PIK3R2: variants seen among roughly 807,000 people sequenced by gnomAD.
PIK3R2 encodes the protein phosphatidylinositol 3-kinase regulatory subunit beta.
PIK3R2 carries 40 observed loss-of-function variants against 78.5 expected under a neutral mutation model. The observed-to-expected ratio is 0.51, with a 90% CI of 0.40 to 0.66. PIK3R2 has a LOEUF of 0.66. Among genes scored for constraint, PIK3R2 ranks in the 30% least tolerant of loss-of-function variants. The pLI is 0.00. For synonymous variants in PIK3R2, 473 were observed against 457.7 expected (o/e 1.03, Z -0.43); for missense variants, 880 against 1,026.6 (o/e 0.86, Z 1.95).
chr19:18,165,070 A>C (rs2043794207), intron 11 of PIK3R2, among the ~76,000 whole-genome samples: 1 of 151,306 alleles, frequency 6.6e-6, no homozygotes, highest in African/African-American at 2.4e-5. Flanking sequence ...TCTACCAAAA[A>C]GATAAAAAAA....
At position 18,161,443 on chromosome 19, in the gene PIK3R2, C is replaced by T; in HGVS notation, c.763C>T (p.Leu255=). 6 of 1,205,474 alleles carry T rather than the reference C, an allele frequency of 5.0e-6. No homozygotes were observed. Among genetic ancestry groups the T allele is most frequent in the Non-Finnish European group, 6.2e-6 (6 of 973,174 alleles). 74.7% of individuals were successfully genotyped at this position (1,205,474 alleles called of 1,614,324 possible). The change falls in exon 6 of 16, where the codon CTG becomes TTG. Residue 255 remains leucine (L), a synonymous_variant. Transcript: ENST00000222254. This position sits in a 1 kb window ranked among gnomAD's most constrained non-coding sequence, Gnocchi z 5.3. Reference sequence around the variant, plus strand: ...GGGCGCCACCTTTGGGCCGCTGCTGCTGCGCGCGCCGCCGCCGCCGTCCTC... The same window carrying T: ...GGGCGCCACCTTTGGGCCGCTGCTGTTGCGCGCGCCGCCGCCGCCGTCCTC... The part of the protein sequence containing the change: ...ALGATFGPLL[L]RAPPPPSSPP...
Position 18,168,969 on chromosome 19 carries a change from G to A in PIK3R2, c.1979+73G>A. 6.4e-7 allele frequency: 1 copy of A among 1,564,962 alleles called. No homozygotes were observed. The highest frequency in any genetic ancestry group is 8.7e-7 in the Non-Finnish European group (1 of 1,147,880). ...TCATTGAATGCCTGCCGCGTGCCAG[G>A]CCTTGGGAAGGAGTCCCTGGTGGGG... is the stretch of plus-strand genomic sequence containing the variant. On this transcript the variant is annotated intron_variant, in intron 15 of 15. Transcript: ENST00000222254. This position sits in a 1 kb window ranked among gnomAD's most constrained non-coding sequence, Gnocchi z 4.1.
chr19:18,160,102 C>G (rs987905383), intron 2 of PIK3R2, among the ~76,000 whole-genome samples: 1 of 152,194 alleles, frequency 6.6e-6, no homozygotes, highest in Admixed American at 6.5e-5. Context: ...CCAGGCTGGT[C>G]TCATGTACAG....
rs780181859 is a variant in PIK3R2, at chr19:18,169,241, C to T, written c.2134C>T (p.Leu712=). The change falls in exon 16 of 16, where the codon CTG becomes TTG. Residue 712 remains leucine, a synonymous_variant. Transcript: ENST00000222254. ...VQHNDALTVT[L]AHPVRAPGPG... ...GCACAACGACGCGCTCACCGTCACC[C>T]TGGCGCACCCAGTGCGCGCCCCGGG... 76 of 1,587,354 alleles carry T rather than the reference C, an allele frequency of 4.8e-5. No individual in the cohort carries two copies. The highest frequency in any genetic ancestry group is 6.1e-5 in the Non-Finnish European group (72 of 1,173,924).
Position 18,161,292 on chromosome 19 carries a change from C to T in PIK3R2, c.612C>T (p.Pro204=). 6 of 1,385,696 alleles carry T rather than the reference C, an allele frequency of 4.3e-6. No homozygotes were observed. The highest frequency in any genetic ancestry group is 5.6e-6 in the Non-Finnish European group (6 of 1,077,756). The allele number at this position is 1,385,696 out of a possible 1,614,324, so 85.8% of individuals were successfully genotyped here. Residue 204 remains proline, a synonymous_variant, in exon 6 of 16, where the codon CCC becomes CCT. Transcript: ENST00000222254. The surrounding 1 kb of genome is among the most constrained non-coding windows in gnomAD (Gnocchi z 5.3). ...ATCTGTCCGCAGAGGCCGCGGGGCCCGTGGGGCCGGCGCTGGAGCCACCGA... is the reference window on the plus strand; with the variant it reads ...ATCTGTCCGCAGAGGCCGCGGGGCCTGTGGGGCCGGCGCTGGAGCCACCGA... ...ARRALREAAG[P]VGPALEPPTL... is the part of the protein sequence containing the mutation.
In PIK3R2 at chr19:18,168,786, C is replaced by CT; in HGVS notation, c.1869_1870insT (p.Val624CysfsTer187). 6.2e-7 allele frequency: 1 copy of CT among 1,613,836 alleles called. No individual in the cohort carries two copies. The highest frequency in any genetic ancestry group is 8.5e-7 in the Non-Finnish European group (1 of 1,179,892). On this transcript the variant is annotated frameshift_variant, in exon 15 of 16. Coordinates refer to ENST00000222254, the MANE Select transcript of PIK3R2 (RefSeq NM_005027.4). LOFTEE classifies it high-confidence loss of function. This position sits in a 1 kb window ranked among gnomAD's most constrained non-coding sequence, Gnocchi z 4.1. ...CGCACCACGAGGAACGCACTTGGTA[C>CT]GTGGGCAAGATCAACCGCACGCAGG...
chr19:18,155,415 G>A, intron 1 of PIK3R2, 42 bp from the exon 2 acceptor site: 1 of 388,196 alleles, frequency 2.6e-6, no homozygotes, highest in Non-Finnish European at 4.6e-6. Context: ...GGGGGTGAGA[G>A]GAGTTGGCCT....
At position 18,161,355 on chromosome 19, in the gene PIK3R2, G is replaced by T. The variant is rs1394494721; in HGVS notation, c.675G>T (p.Leu225=). The change falls in exon 6 of 16, where the codon CTG becomes CTT. Residue 225 remains leucine (L), a synonymous_variant. Coordinates refer to ENST00000222254, the MANE Select transcript of PIK3R2 (RefSeq NM_005027.4). The surrounding 1 kb of genome is among the most constrained non-coding windows in gnomAD (Gnocchi z 5.3). ...PLHRALTLRF[L]LQHLGRVASR... is the part of the protein sequence containing the mutation. ...ACCGCGCGCTCACGCTGCGCTTCCT[G>T]CTCCAGCACCTGGGCCGCGTGGCCA... is the stretch of plus-strand genomic sequence containing the variant. The T allele has an allele frequency of 7.7e-7, 1 of 1,306,930 alleles. No individual in the cohort carries two copies. The highest frequency in any genetic ancestry group is 2.2e-5 in the South Asian group (1 of 45,736). The allele number at this position is 1,306,930 out of a possible 1,614,324, so 81.0% of individuals were successfully genotyped here. A position where few individuals can be genotyped will look rare whatever the true frequency, so the allele number is the denominator to read the frequency against.
rs139519957 is a variant in PIK3R2 at position 18,158,146 on chromosome 19, G to A, written c.322+1945G>A. On this transcript the variant is annotated intron_variant, in intron 2 of 15. Transcript: ENST00000222254. ...AAGGAAGCTGTTCTGACCCAGGCCG[G>A]GATATTTTTCTTTTCTTTCCTTTCA... Among the ~76,000 whole-genome samples the A allele has an allele frequency of 6.0e-3, 909 of 152,322 alleles. 8 individuals are homozygous for A. The highest frequency in any genetic ancestry group is 0.021 in the African/African-American group (856 of 41,572).
chr19:18,160,819 G>T, intron 3 of PIK3R2, 100 bp from the exon 4 acceptor site: 1 of 1,414,522 alleles, frequency 7.1e-7, no homozygotes, highest in Non-Finnish European at 9.8e-7. Context: ...TTATCTCTGG[G>T]CAGCAAAGGG....
Position 18,168,454 on chromosome 19 carries a change from A to T in PIK3R2, c.1737-21A>T. 1 of 778,184 alleles carries T rather than the reference A, an allele frequency of 1.3e-6. No homozygotes were observed. The highest frequency in any genetic ancestry group is 2.4e-6 in the Non-Finnish European group (1 of 417,010). The allele number at this position is 778,184 out of a possible 1,614,324, so 48.2% of individuals were successfully genotyped here. A position where few individuals can be genotyped will look rare whatever the true frequency, so the allele number is the denominator to read the frequency against. On this transcript the variant is annotated intron_variant, in intron 13 of 15. Coordinates refer to ENST00000222254, the MANE Select transcript of PIK3R2 (RefSeq NM_005027.4). This position sits in a 1 kb window ranked among gnomAD's most constrained non-coding sequence, Gnocchi z 4.1. ...AGCACCCACACAACTGCACAAGCCC[A>T]CCTTTCCTGTTCCTTCTCAGGTGGC... is the stretch of plus-strand genomic sequence containing the variant.
In PIK3R2 at chr19:18,170,101, G is replaced by C. The variant is rs1024034663; in HGVS notation, c.*807G>C. ...CGGCCGCCTGTAATCCCAGCTACTTGGGAGGCTGAGGCGTGAGAATCTCTT... is the reference window on the plus strand; with the variant it reads ...CGGCCGCCTGTAATCCCAGCTACTTCGGAGGCTGAGGCGTGAGAATCTCTT... On this transcript the variant is annotated 3_prime_UTR_variant, in exon 16 of 16. Coordinates refer to ENST00000222254, the MANE Select transcript of PIK3R2 (RefSeq NM_005027.4). 3 of 159,892 alleles carry C rather than the reference G, an allele frequency of 1.9e-5. No individual in the cohort carries two copies. The highest frequency in any genetic ancestry group is 7.2e-5 in the African/African-American group (3 of 41,642). 9.9% of individuals were successfully genotyped at this position (159,892 alleles called of 1,614,324 possible).
chr19:18,156,398 G>C lies in PIK3R2; in HGVS notation c.322+197G>C, dbSNP rs1016873526. ...CCCTCATGAGCTTCTGGTTCAAGAA[G>C]GGATGAGAGTGGGTTCAGGAGGTGA... On this transcript the variant is annotated intron_variant, in intron 2 of 15. Coordinates refer to ENST00000222254, the MANE Select transcript of PIK3R2 (RefSeq NM_005027.4). This position sits in a 1 kb window ranked among gnomAD's most constrained non-coding sequence, Gnocchi z 4.2. 1.3e-5 allele frequency among the ~76,000 whole-genome samples: 2 copies of C among 152,246 alleles called. No individual in the cohort carries two copies. The highest frequency in any genetic ancestry group is 4.8e-5 in the African/African-American group (2 of 41,476).
rs199735460 is a variant in PIK3R2, at chr19:18,160,986, A to T, written c.466+17A>T. On this transcript the variant is annotated intron_variant, in intron 4 of 15. Coordinates refer to ENST00000222254, the MANE Select transcript of PIK3R2 (RefSeq NM_005027.4). The stretch of plus-strand genomic sequence containing the variant: ...CGCGTACAGGTGAAGGGGAGCCTCA[A>T]TGGGGTTGGGAGGAGGCTGGGGGCC... 2 of 1,612,712 alleles carry T rather than the reference A, an allele frequency of 1.2e-6. No homozygotes were observed. Among genetic ancestry groups the T allele is most frequent in the African/African-American group, 1.3e-5 (1 of 74,924 alleles).
chr19:18,158,526 G>C lies in PIK3R2; in HGVS notation c.323-1945G>C, dbSNP rs367934428. Among the ~76,000 whole-genome samples the C allele has an allele frequency of 7.0e-3, 902 of 128,188 alleles. 8 individuals carry two copies. Among genetic ancestry groups the C allele is most frequent in the African/African-American group, 0.024 (837 of 35,042 alleles). 84.1% of individuals were successfully genotyped at this position (128,188 alleles called of 152,430 possible). On this transcript the variant is annotated intron_variant, in intron 2 of 15. Transcript: ENST00000222254. ...CAACAACAACAACAACAAAAAACGA[G>C]GAGGCCAAGGCAAGTGGATCGTTAG...
At position 18,167,394 on chromosome 19, in the gene PIK3R2, T is replaced by C. The variant is rs1555815058; in HGVS notation, c.1736+88T>C. The C allele has an allele frequency of 8.4e-7, 1 of 1,192,100 alleles. No individual in the cohort carries two copies. Among genetic ancestry groups the C allele is most frequent in the Non-Finnish European group, 1.1e-6 (1 of 880,892 alleles). The allele number at this position is 1,192,100 out of a possible 1,614,324, so 73.8% of individuals were successfully genotyped here. A position where few individuals can be genotyped will look rare whatever the true frequency, so the allele number is the denominator to read the frequency against. ...CTCTAGGAGTCTCAGTCTCTCTCTC[T>C]CCACCAAGTGGCCCTTCCTGGGCCC... is the stretch of plus-strand genomic sequence containing the variant. On this transcript the variant is annotated intron_variant, in intron 13 of 15. Transcript: ENST00000222254. The surrounding 1 kb of genome is among the most constrained non-coding windows in gnomAD (Gnocchi z 4.5).
chr19:18,165,226 G>A (rs184813505), intron 11 of PIK3R2, among the ~76,000 whole-genome samples: 227 of 151,500 alleles, frequency 1.5e-3, no homozygotes, highest in African/African-American at 5.3e-3. Context: ...AAAATTAGGC[G>A]TCATGGCATG....
At chr19:18,159,865 C>G (rs979088512) in intron 2 of PIK3R2, among the ~76,000 whole-genome samples, 1 of 152,168 alleles carries the variant, frequency 6.6e-6, no homozygotes, top group African/African-American at 2.4e-5. Context: ...CCTCAACCTC[C>G]CGAGTAGCTG....
Position 18,168,395 on chromosome 19 carries a change from C to T in PIK3R2, c.1737-80C>T. On this transcript the variant is annotated intron_variant, in intron 13 of 15. Coordinates refer to ENST00000222254, the MANE Select transcript of PIK3R2 (RefSeq NM_005027.4). The surrounding 1 kb of genome is among the most constrained non-coding windows in gnomAD (Gnocchi z 4.1). ...CAGAACCCTCTCTCCTCAGCCAGAC[C>T]CTGCCTCCCACCGGACAGGCCCACT... The T allele has an allele frequency of 1.4e-6, 1 of 734,088 alleles. No homozygotes were observed. The highest frequency in any genetic ancestry group is 2.0e-5 in the Admixed American group (1 of 51,248). 45.5% of individuals were successfully genotyped at this position (734,088 alleles called of 1,614,324 possible). A position where few individuals can be genotyped will look rare whatever the true frequency, so the allele number is the denominator to read the frequency against.
Sources: allele counts gnomAD v4.1 joint callset (sites outside exome capture counted in the v4.1 genomes callset), GRCh38; gene constraint gnomAD v4.1.1; non-coding constraint Gnocchi (gnomAD v3.1); transcripts MANE v1.5; gene names NCBI Gene and HGNC (gene_info 2026-07-23, HGNC 2026-07-21).